FBRSL1: variants seen among roughly 807,000 people sequenced by gnomAD.
FBRSL1 encodes fibrosin-1-like protein.
A neutral mutation model predicts 89.6 loss-of-function variants in FBRSL1; 51 were observed. The observed-to-expected ratio is 0.57, with a 90% CI of 0.45 to 0.72. The LOEUF is 0.72. Among genes scored for constraint, FBRSL1 ranks in the 30% least tolerant of loss-of-function variants. FBRSL1 has a pLI of 0.00. For missense variants in FBRSL1, 1,618 were observed against 1,451.8 expected (o/e 1.11, Z -1.86); for synonymous variants, 779 against 681.1 (o/e 1.14, Z -2.24).
chr12:132,492,332 C>A lies in FBRSL1; in HGVS notation c.291+1471C>A, dbSNP rs545002874. Among the ~76,000 whole-genome samples, 3 of 152,228 alleles carry A rather than the reference C, an allele frequency of 2.0e-5. No individual in the cohort carries two copies. In the South Asian group the frequency reaches 6.2e-4, roughly 32 times the overall value. On this transcript the variant is annotated intron_variant, in intron 1 of 18. Transcript: ENST00000680143. ...ACCTCAGACTCCTCTGAAGTGGTGC[C>A]CCCCACCCCCGTCGACGTTGCCCAC...
At chr12:132,513,769 G>T (rs1035577734) in intron 2 of FBRSL1, among the ~76,000 whole-genome samples, 1 of 152,182 alleles carries the variant, frequency 6.6e-6, no homozygotes, top group African/African-American at 2.4e-5. Context: ...GTGACACTGA[G>T]ACTGTGGCGG....
At chr12:132,509,464 A>T in intron 2 of FBRSL1, 1 of 1,239,698 alleles carries the variant, frequency 8.1e-7, no homozygotes, top group Non-Finnish European at 1.0e-6. Flanking sequence ...TCCCCAGATC[A>T]GCTCTGCCAG....
Position 132,583,272 on chromosome 12 carries a change from C to G in FBRSL1, c.2503C>G (p.Pro835Ala), listed in dbSNP as rs775167268. Reference sequence around the variant, plus strand: ...CCCGGCGGGCGGCCTGCACCCCGCGCCCCTGCAGCTCGGCCTGGGCCGCGA... The same window carrying G: ...CCCGGCGGGCGGCCTGCACCCCGCGGCCCTGCAGCTCGGCCTGGGCCGCGA... ...EPPAGGLHPA[P>A]LQLGLGRERL... The change falls in exon 19 of 19, where the codon CCC (proline) becomes GCC (alanine). Residue 835 changes from proline (P) to alanine (A), a missense_variant. By Grantham distance (27) the Pro-to-Ala change is conservative. Transcript: ENST00000680143. 1.0e-5 allele frequency: 13 copies of G among 1,291,568 alleles called. No individual in the cohort carries two copies. The South Asian group carries it at 2.3e-4, about 23-fold the overall frequency. The allele number at this position is 1,291,568 out of a possible 1,614,324, so 80.0% of individuals were successfully genotyped here. A position where few individuals can be genotyped will look rare whatever the true frequency, so the allele number is the denominator to read the frequency against.
At chr12:132,548,786 C>T (rs527552340) in intron 5 of FBRSL1, among the ~76,000 whole-genome samples, 95 of 152,308 alleles carry the variant, frequency 6.2e-4, no homozygotes, top group Admixed American at 1.6e-3. Flanking sequence ...GGCACCTGGA[C>T]GGGGGTGAGG....
rs2040013728 is a variant in FBRSL1, at chr12:132,571,574, GAC to G, written c.1377+346_1377+347del. 8 of 1,238,980 alleles carry G rather than the reference GAC, an allele frequency of 6.5e-6. No homozygotes were observed. In the South Asian group the frequency reaches 1.7e-4, roughly 26 times the overall value. 76.7% of individuals were successfully genotyped at this position (1,238,980 alleles called of 1,614,324 possible). On this transcript the variant is annotated intron_variant, in intron 9 of 18. Transcript: ENST00000680143. ...GGGGCGGGGGCGGGCGTGGGGCGGG[GAC>G]ACGCAGCAGGCACACACAGACACAC...
chr12:132,527,469 G>A (rs975152127), intron 3 of FBRSL1, among the ~76,000 whole-genome samples: 2 of 152,342 alleles, frequency 1.3e-5, no homozygotes, highest in Middle Eastern at 3.4e-3. Context: ...CCACCACGAC[G>A]CCTAACTCTG....
chr12:132,516,212 A>T (rs2034828256), intron 2 of FBRSL1, among the ~76,000 whole-genome samples: 1 of 146,908 alleles, frequency 6.8e-6, no homozygotes, highest in South Asian at 2.2e-4. Flanking sequence ...TTTTTTTGAG[A>T]TGGAGTCTTG....
At chr12:132,511,502 C>G in intron 2 of FBRSL1, 1 of 986,040 alleles carries the variant, frequency 1.0e-6, no homozygotes, top group South Asian at 4.7e-5. Context: ...ACGCCACTCG[C>G]CCAAAAGGGA....
At chr12:132,578,341 T>TCACACACACACACACACACACA (rs547551851) in intron 15 of FBRSL1, among the ~76,000 whole-genome samples, 292 of 28,624 alleles carry the variant, frequency 0.01, no homozygotes, top group Admixed American at 0.039. Context: ...CAAGACCCTG[T>TCACACACACACACACACACACA]CTCACACACA....
chr12:132,511,932 G>T (rs562343606), intron 2 of FBRSL1: 5 of 984,990 alleles, frequency 5.1e-6, no homozygotes, highest in Non-Finnish European at 6.0e-6. Flanking sequence ...AAAAAGTGCC[G>T]TGCCACTATT....
intron 5 of FBRSL1, among the ~76,000 whole-genome samples, chr12:132,550,084 A>C (rs7306097): frequency 7.5e-5 from 11 of 147,578 alleles, no homozygotes; most frequent in Admixed American, 2.7e-4. Flanking sequence ...CCCGGCAGGG[A>C]GAGTTTGGCA....
chr12:132,550,494 TC>T (rs1168300705), intron 5 of FBRSL1, among the ~76,000 whole-genome samples: 1 of 152,054 alleles, frequency 6.6e-6, no homozygotes, highest in Non-Finnish European at 1.5e-5. Context: ...CGGAGGCTGC[TC>T]GGGGAGAGCA....
chr12:132,554,019 G>C (rs1482325518), intron 5 of FBRSL1: 2 of 152,288 alleles, frequency 1.3e-5, no homozygotes, highest in Non-Finnish European at 1.5e-5. Context: ...GGATCGTCCT[G>C]AGGGCCCCGT....
chr12:132,525,071 C>T (rs1270293283), intron 2 of FBRSL1, among the ~76,000 whole-genome samples: 8 of 117,332 alleles, frequency 6.8e-5, no homozygotes, highest in African/African-American at 2.0e-4. Context: ...GGGCGTGGGG[C>T]GTGGGGGTGG....
intron 2 of FBRSL1, among the ~76,000 whole-genome samples, chr12:132,522,690 A>T (rs1007392389): frequency 1.3e-5 from 2 of 152,142 alleles, no homozygotes; most frequent in African/African-American, 4.8e-5. Flanking sequence ...CTGCTGACAT[A>T]ACTGGACAGA....
intron 1 of FBRSL1, among the ~76,000 whole-genome samples, chr12:132,506,625 T>C: frequency 6.6e-6 from 1 of 152,274 alleles, no homozygotes; most frequent in South Asian, 2.1e-4. Flanking sequence ...GCTGCAGCCT[T>C]TGATTCATCC....
At chr12:132,506,110 G>A (rs959666084) in intron 1 of FBRSL1, among the ~76,000 whole-genome samples, 1 of 152,152 alleles carries the variant, frequency 6.6e-6, no homozygotes, top group Non-Finnish European at 1.5e-5. Context: ...GCCCTGTCTG[G>A]GGCTGAGCAG....
At chr12:132,575,431 G>A (rs1439347900) in intron 14 of FBRSL1, among the ~76,000 whole-genome samples, 1 of 152,214 alleles carries the variant, frequency 6.6e-6, no homozygotes, top group Non-Finnish European at 1.5e-5. Flanking sequence ...GTTTCACCAT[G>A]TTGGCCAGGA....
chr12:132,490,622 G>A lies in FBRSL1; in HGVS notation c.52G>A (p.Gly18Ser), dbSNP rs1045145744. Residue 18 changes from glycine to serine, a missense_variant, in exon 1 of 19, where the codon GGC (glycine) becomes AGC (serine). Gly to Ser is a moderately conservative substitution (Grantham distance 56, BLOSUM62 0). Coordinates refer to ENST00000680143, the MANE Select transcript of FBRSL1 (RefSeq NM_001367871.1). The stretch of plus-strand genomic sequence containing the variant: ...GCGCTCGCGCGCGCAGCGGGACCGT[G>A]GCCGGCGCCGGGAGGCCGCCCGCGA... ...SRRSRAQRDR[G>S]RRREAARDAR... The A allele has an allele frequency of 3.4e-5, 33 of 983,524 alleles. No homozygotes were observed. The highest frequency in any genetic ancestry group is 5.3e-5 in the African/African-American group (3 of 56,588). The allele number at this position is 983,524 out of a possible 1,614,324, so 60.9% of individuals were successfully genotyped here. A position where few individuals can be genotyped will look rare whatever the true frequency, so the allele number is the denominator to read the frequency against.
Sources: allele counts gnomAD v4.1 joint callset (sites outside exome capture counted in the v4.1 genomes callset), GRCh38; gene constraint gnomAD v4.1.1; transcripts MANE v1.5; gene names NCBI Gene and HGNC (gene_info 2026-07-23, HGNC 2026-07-21).